MAPK14: variants seen among roughly 807,000 people sequenced by gnomAD.
MAPK14 encodes the protein mitogen-activated protein kinase 14.
A neutral mutation model predicts 49.6 loss-of-function variants in MAPK14; 16 were observed. The ratio of observed to expected loss-of-function variants is 0.32; its 90% CI spans 0.22 to 0.49. MAPK14 has a LOEUF of 0.49. Ranked by LOEUF, MAPK14 falls within the 20% of genes least tolerant of loss-of-function variation. MAPK14 has a pLI of 0.99. For synonymous variants in MAPK14, 142 were observed against 158.0 expected, an observed-to-expected ratio of 0.90 and a Z score of 0.76; for missense variants, 200 against 441.2, an observed-to-expected ratio of 0.45 and a Z score of 4.90.
intron 3 of MAPK14, among the ~76,000 whole-genome samples, chr6:36,072,500 C>T (rs538820799): frequency 5.3e-5 from 8 of 152,146 alleles, no homozygotes; most frequent in African/African-American, 1.9e-4. Context: ...GGTGCGGTGG[C>T]TCACGCTTGT....
Position 36,109,539 on chromosome 6 carries a change from CT to C in MAPK14, c.*1093del, listed in dbSNP as rs1765901827. The stretch of plus-strand genomic sequence containing the variant: ...AAGTGATATCACCTCTCTTCAGCCC[CT>C]AGTGCTATTCTGTGTTGAACACAAT... On this transcript the variant is annotated 3_prime_UTR_variant, in exon 12 of 12. Transcript: ENST00000229794. 1 of 152,660 alleles carries C rather than the reference CT, an allele frequency of 6.6e-6. No individual in the cohort carries two copies. Among genetic ancestry groups the C allele is most frequent in the Admixed American group, 6.5e-5 (1 of 15,282 alleles). The allele number at this position is 152,660 out of a possible 1,614,324, so 9.5% of individuals were successfully genotyped here. A position where few individuals can be genotyped will look rare whatever the true frequency, so the allele number is the denominator to read the frequency against.
chr6:36,060,502 T>G (rs1209528216), intron 3 of MAPK14, among the ~76,000 whole-genome samples: 2 of 152,222 alleles, frequency 1.3e-5, no homozygotes, highest in Non-Finnish European at 2.9e-5. Flanking sequence ...TGGAGAGTGT[T>G]ACTATTATGA....
Position 36,108,649 on chromosome 6 carries a change from C to A in MAPK14, c.*202C>A. 1.7e-6 allele frequency: 1 copy of A among 584,420 alleles called. No homozygotes were observed. The allele number at this position is 584,420 out of a possible 1,614,324, so 36.2% of individuals were successfully genotyped here. ...GGGAGGGTAAGACAATATGAACAAACTATGATCACAGTGACTTTACAGGAG... is the reference window on the plus strand; with the variant it reads ...GGGAGGGTAAGACAATATGAACAAAATATGATCACAGTGACTTTACAGGAG... On this transcript the variant is annotated 3_prime_UTR_variant, in exon 12 of 12. Transcript: ENST00000229794.
intron 1 of MAPK14, among the ~76,000 whole-genome samples, chr6:36,036,135 C>T (rs1343799708): frequency 6.6e-6 from 1 of 151,464 alleles, no homozygotes; most frequent in African/African-American, 2.4e-5. Flanking sequence ...GCTTGGGAGG[C>T]TGAGGCAGGA....
At chr6:36,050,357 A>G (rs1308845036) in intron 1 of MAPK14, among the ~76,000 whole-genome samples, 5 of 152,236 alleles carry the variant, frequency 3.3e-5, no homozygotes, top group South Asian at 2.1e-4. Context: ...TAGTCAGGGT[A>G]CAAGTAAACT....
chr6:36,050,822 A>AT (rs1763367275), intron 1 of MAPK14, among the ~76,000 whole-genome samples: 2 of 152,158 alleles, frequency 1.3e-5, no homozygotes, highest in Non-Finnish European at 2.9e-5. Flanking sequence ...GCTATAAGAG[A>AT]AGCAGTGTCT....
rs995500432 is a variant in MAPK14 at position 36,089,420 on chromosome 6, T to C, written c.683-6567T>C. ...GGCGGAGGGAACGCATCAGGATAAATAGCTAAGGCATGCGGGGCTTAACAC... is the reference window on the plus strand; with the variant it reads ...GGCGGAGGGAACGCATCAGGATAAACAGCTAAGGCATGCGGGGCTTAACAC... On this transcript the variant is annotated intron_variant, in intron 8 of 11. Transcript: ENST00000229794. 1.3e-4 allele frequency among the ~76,000 whole-genome samples: 20 copies of C among 152,106 alleles called. No individual in the cohort carries two copies. The East Asian group carries it at 3.9e-3, about 29-fold the overall frequency.
intron 8 of MAPK14, among the ~76,000 whole-genome samples, chr6:36,088,152 A>G (rs751557367): frequency 1.3e-5 from 2 of 152,192 alleles, no homozygotes; most frequent in Non-Finnish European, 2.9e-5. Context: ...ACTTAAATGT[A>G]GAACCCAAAA....
At chr6:36,056,903 T>C (rs912197289) in intron 2 of MAPK14, among the ~76,000 whole-genome samples, 1 of 152,206 alleles carries the variant, frequency 6.6e-6, no homozygotes, top group Non-Finnish European at 1.5e-5. Context: ...ACCAGAGGTC[T>C]TAAGCCAGGA....
chr6:36,092,585 T>C (rs1418495449), intron 8 of MAPK14: 3 of 463,224 alleles, frequency 6.5e-6, no homozygotes, highest in African/African-American at 2.0e-5. Flanking sequence ...CTTCTGAAAT[T>C]AACTCCTCTG....
rs1464518416 is a variant in MAPK14, at chr6:36,049,866, T to C, written c.117-2833T>C. Among the ~76,000 whole-genome samples the C allele has an allele frequency of 2.6e-5, 4 of 152,128 alleles. No homozygotes were observed. The East Asian group carries it at 7.7e-4, about 29-fold the overall frequency. On this transcript the variant is annotated intron_variant, in intron 1 of 11. Transcript: ENST00000229794. ...ATAAGCAGGGGCATATTCTTAGTTATAGCAAGAGGGAAGGTGGAGACGATG... is the reference window on the plus strand; with the variant it reads ...ATAAGCAGGGGCATATTCTTAGTTACAGCAAGAGGGAAGGTGGAGACGATG...
chr6:36,081,160 T>C (rs529837106), intron 8 of MAPK14, among the ~76,000 whole-genome samples: 1 of 152,304 alleles, frequency 6.6e-6, no homozygotes, highest in East Asian at 1.9e-4. Context: ...ACATAAAACA[T>C]TTTTAATTTT....
the MAPK14 span, among the ~76,000 whole-genome samples, chr6:36,124,134 C>T: frequency 2.4e-5 from 2 of 82,412 alleles, no homozygotes; most frequent in Non-Finnish European, 4.8e-5. Context: ...CTCCCTCCCT[C>T]CCTCCCTCCC....
intron 1 of MAPK14, among the ~76,000 whole-genome samples, chr6:36,037,836 A>T (rs1762809557): frequency 1.3e-5 from 2 of 152,024 alleles, no homozygotes; most frequent in African/African-American, 4.8e-5. Flanking sequence ...ATAAAAATAA[A>T]AAATTAGGGA....
At position 36,028,117 on chromosome 6, in the gene MAPK14, C is replaced by T. The variant is rs759596961; in HGVS notation, c.-41C>T. 79 of 1,441,596 alleles carry T rather than the reference C, an allele frequency of 5.5e-5. No individual in the cohort carries two copies. The highest frequency in any genetic ancestry group is 7.4e-5 in the Non-Finnish European group (76 of 1,033,848). 89.3% of individuals were successfully genotyped at this position (1,441,596 alleles called of 1,614,324 possible). On this transcript the variant is annotated 5_prime_UTR_variant, in exon 1 of 12. Transcript: ENST00000229794. This position sits in a 1 kb window ranked among gnomAD's most constrained non-coding sequence, Gnocchi z 5.1. ...AGAGGGTGCGGGTGCAGGCGGGGGC[C>T]CCACAGGGCCACCTTCTTGCCCGGC...
intron 1 of MAPK14, among the ~76,000 whole-genome samples, chr6:36,048,560 A>T (rs1763276010): frequency 6.6e-6 from 1 of 152,222 alleles, no homozygotes; most frequent in Non-Finnish European, 1.5e-5. Context: ...GACTAATATG[A>T]TATTGGTGAA....
In MAPK14 at chr6:36,028,115, G is replaced by A. The variant is rs377357612; in HGVS notation, c.-43G>A. On this transcript the variant is annotated 5_prime_UTR_variant, in exon 1 of 12. Coordinates refer to ENST00000229794, the MANE Select transcript of MAPK14 (RefSeq NM_139012.3). The surrounding 1 kb of genome is among the most constrained non-coding windows in gnomAD (Gnocchi z 5.1). ...GGAGAGGGTGCGGGTGCAGGCGGGG[G>A]CCCCACAGGGCCACCTTCTTGCCCG... The A allele has an allele frequency of 4.0e-5, 56 of 1,395,966 alleles. No individual in the cohort carries two copies. The highest frequency in any genetic ancestry group is 5.4e-5 in the Non-Finnish European group (54 of 993,854). 86.5% of individuals were successfully genotyped at this position (1,395,966 alleles called of 1,614,324 possible). A position where few individuals can be genotyped will look rare whatever the true frequency, so the allele number is the denominator to read the frequency against.
At chr6:36,100,097 TG>T in intron 9 of MAPK14, 3 of 862,104 alleles carry the variant, frequency 3.5e-6, no homozygotes, top group Non-Finnish European at 6.0e-6. Context: ...TTTGTCTGTT[TG>T]GGGGTGGCTT....
intron 3 of MAPK14, among the ~76,000 whole-genome samples, chr6:36,063,170 T>C (rs1763896342): frequency 6.6e-6 from 1 of 152,210 alleles, no homozygotes; most frequent in Admixed American, 6.5e-5. Flanking sequence ...ATGGTGTATC[T>C]TGTTGCTCCC....
Sources: allele counts gnomAD v4.1 joint callset (sites outside exome capture counted in the v4.1 genomes callset), GRCh38; gene constraint gnomAD v4.1.1; non-coding constraint Gnocchi (gnomAD v3.1); transcripts MANE v1.5; gene names NCBI Gene and HGNC (gene_info 2026-07-23, HGNC 2026-07-21).